Variants in ANKRD50 observed in about 807,000 individuals in gnomAD.
The protein encoded by ANKRD50 is ankyrin repeat domain-containing protein 50.
Under a neutral mutation model 112.0 loss-of-function variants are expected in ANKRD50, and 40 were observed. The ratio of observed to expected loss-of-function variants is 0.36; its 90% CI spans 0.28 to 0.46. ANKRD50 has a LOEUF of 0.46. Ranked by LOEUF, ANKRD50 falls within the 20% of genes least tolerant of loss-of-function variation. ANKRD50 has a pLI of 1.00. For missense variants in ANKRD50, 1,487 were observed against 1,701.7 expected, an observed-to-expected ratio of 0.87 and a Z score of 2.22; for synonymous variants, 613 against 619.1, an observed-to-expected ratio of 0.99 and a Z score of 0.15.
intron 3 of ANKRD50, among the ~76,000 whole-genome samples, chr4:124,674,449 A>T (rs1730726353): frequency 6.6e-6 from 1 of 151,996 alleles, no homozygotes; most frequent in African/African-American, 2.4e-5. Flanking sequence ...TAGTAGTTTA[A>T]GTATTCATTA....
chr4:124,705,369 C>T (rs971115036), intron 2 of ANKRD50, among the ~76,000 whole-genome samples: 5 of 152,136 alleles, frequency 3.3e-5, no homozygotes, highest in African/African-American at 1.2e-4. Flanking sequence ...TTCTTTATTG[C>T]AATTTTACTC....
At chr4:124,686,759 G>A (rs995660493) in intron 2 of ANKRD50, among the ~76,000 whole-genome samples, 2 of 152,096 alleles carry the variant, frequency 1.3e-5, no homozygotes, top group Non-Finnish European at 2.9e-5. Context: ...GAGAGCTGAA[G>A]GTAGAGAAGA....
intron 3 of ANKRD50, among the ~76,000 whole-genome samples, chr4:124,676,097 G>A (rs1425102882): frequency 1.3e-5 from 2 of 151,620 alleles, no homozygotes; most frequent in African/African-American, 4.8e-5. Flanking sequence ...AACTTAAAAC[G>A]TAAGCAAAGA....
At chr4:124,689,047 C>T (rs543414770) in intron 2 of ANKRD50, among the ~76,000 whole-genome samples, 2 of 152,144 alleles carry the variant, frequency 1.3e-5, no homozygotes, top group Admixed American at 1.3e-4. Context: ...TATGTATACA[C>T]TCCTATAACA....
Position 124,672,305 on chromosome 4 carries a change from A to G in ANKRD50, c.972T>C (p.Arg324=). 1.2e-6 allele frequency: 2 copies of G among 1,613,536 alleles called. No individual in the cohort carries two copies. Among genetic ancestry groups the G allele is most frequent in the Non-Finnish European group, 1.7e-6 (2 of 1,179,778 alleles). ...AACCATTTAGAGTTCCTGGGATGTC[A>G]CGAATTTCTCTTAACATAATAAAAT... The part of the protein sequence containing the change: ...VENFIMLREI[R]DIPGTLNGLY... The change falls in exon 4 of 5, where the codon CGT becomes CGC. Residue 324 remains arginine, a synonymous_variant. Transcript: ENST00000504087.
At chr4:124,706,080 A>T (rs1179585541) in intron 2 of ANKRD50, among the ~76,000 whole-genome samples, 1 of 152,142 alleles carries the variant, frequency 6.6e-6, no homozygotes, top group East Asian at 1.9e-4. Context: ...CACTGTAACA[A>T]GTATTTACTC....
intron 2 of ANKRD50, among the ~76,000 whole-genome samples, chr4:124,692,885 A>G (rs932871795): frequency 2.6e-5 from 4 of 152,192 alleles, no homozygotes; most frequent in African/African-American, 9.7e-5. Flanking sequence ...ATTTATGCCT[A>G]GAGTATGTAG....
At position 124,710,388 on chromosome 4, in the gene ANKRD50, T is replaced by C. The variant is rs1725602708; in HGVS notation, c.124A>G (p.Asn42Asp). 6.2e-7 allele frequency: 1 copy of C among 1,614,206 alleles called. No individual in the cohort carries two copies. The highest frequency in any genetic ancestry group is 1.3e-5 in the African/African-American group (1 of 75,034). ...GCATTGACAGCACTATTGCAGCAGT[T>C]ACTTTTCTCCTGGAGGCAATGCTGA... The part of the protein sequence containing the change: ...KLQHCLQEKS[N>D]CCNSAVNAPS... Residue 42 changes from asparagine (N) to aspartate (D), a missense_variant, in exon 2 of 5, where the codon AAC (asparagine) becomes GAC (aspartate). Coordinates refer to ENST00000504087, the MANE Select transcript of ANKRD50 (RefSeq NM_020337.3).
At chr4:124,682,071 C>T (rs1161602259) in intron 2 of ANKRD50, among the ~76,000 whole-genome samples, 1 of 152,002 alleles carries the variant, frequency 6.6e-6, no homozygotes, top group Non-Finnish European at 1.5e-5. Context: ...AAAAAGAATG[C>T]ACAGGGAGGC....
Position 124,676,625 on chromosome 4 carries a change from T to C in ANKRD50, c.742+2051A>G, listed in dbSNP as rs1444647743. On this transcript the variant is annotated intron_variant, in intron 3 of 4. Coordinates refer to ENST00000504087, the MANE Select transcript of ANKRD50 (RefSeq NM_020337.3). ...TTTACAGATTATTCAAGTTAGAGCT[T>C]TATTTCATACCTTTTAGTAAAAAAT... Among the ~76,000 whole-genome samples the C allele has an allele frequency of 2.6e-5, 4 of 151,774 alleles. No individual in the cohort carries two copies. The East Asian group carries it at 7.7e-4, about 29-fold the overall frequency.
chr4:124,688,515 T>C (rs1725056718), intron 2 of ANKRD50, among the ~76,000 whole-genome samples: 1 of 152,108 alleles, frequency 6.6e-6, no homozygotes, highest in African/African-American at 2.4e-5. Context: ...GTATGAAAAA[T>C]GAAAATAACG....
rs1725643563 is a variant in ANKRD50 at position 124,711,954 on chromosome 4, C to T, written c.-764+504G>A. On this transcript the variant is annotated intron_variant, in intron 1 of 4. Transcript: ENST00000504087. ...CAGGAAAGGGATAAAGAGTAGAGTGCTTCGGTGCTGGTGGGTGTCTGCCCA... is the reference window on the plus strand; with the variant it reads ...CAGGAAAGGGATAAAGAGTAGAGTGTTTCGGTGCTGGTGGGTGTCTGCCCA... 3.3e-5 allele frequency among the ~76,000 whole-genome samples: 5 copies of T among 152,254 alleles called. No individual in the cohort carries two copies. The South Asian group carries it at 1.0e-3, about 32-fold the overall frequency.
chr4:124,679,862 C>T (rs1331497020), intron 2 of ANKRD50, among the ~76,000 whole-genome samples: 2 of 152,164 alleles, frequency 1.3e-5, no homozygotes, highest in Non-Finnish European at 2.9e-5. Flanking sequence ...ACCTGGGCTA[C>T]CCTAACAATC....
intron 2 of ANKRD50, among the ~76,000 whole-genome samples, chr4:124,687,028 T>C (rs1445814047): frequency 2.0e-5 from 3 of 152,060 alleles, no homozygotes; most frequent in African/African-American, 2.4e-5. Context: ...CAAAAAATAA[T>C]TATAAAATAC....
chr4:124,682,072 A>T (rs1419609176), intron 2 of ANKRD50, among the ~76,000 whole-genome samples: 4 of 152,132 alleles, frequency 2.6e-5, no homozygotes, highest in African/African-American at 9.7e-5. Context: ...AAAAGAATGC[A>T]CAGGGAGGCC....
rs776467509 is a variant in ANKRD50 at position 124,710,227 on chromosome 4, T to C, written c.285A>G (p.Ser95=). Residue 95 remains serine (S), a synonymous_variant, in exon 2 of 5, where the codon TCA becomes TCG. Coordinates refer to ENST00000504087, the MANE Select transcript of ANKRD50 (RefSeq NM_020337.3). The part of the protein sequence containing the change: ...ALCTELLWPS[S]PASLQRGLHR... ...GTAAACCTCTCTGCAAACTTGCAGG[T>C]GAACTTGGCCATAAGAGTTCAGTAC... is the stretch of plus-strand genomic sequence containing the variant. The C allele has an allele frequency of 6.2e-7, 1 of 1,614,206 alleles. No homozygotes were observed.
chr4:124,681,919 A>T (rs1003319166), intron 2 of ANKRD50, among the ~76,000 whole-genome samples: 1 of 152,226 alleles, frequency 6.6e-6, no homozygotes, highest in Non-Finnish European at 1.5e-5. Flanking sequence ...AGAATGTCCC[A>T]GTTATCTATA....
chr4:124,702,403 G>A (rs1439524110), intron 2 of ANKRD50, among the ~76,000 whole-genome samples: 2 of 152,184 alleles, frequency 1.3e-5, no homozygotes, highest in African/African-American at 4.8e-5. Context: ...AGAATATTAT[G>A]ACAGAAGACA....
At chr4:124,702,345 A>C (rs1400771898) in intron 2 of ANKRD50, among the ~76,000 whole-genome samples, 1 of 152,222 alleles carries the variant, frequency 6.6e-6, no homozygotes, top group East Asian at 1.9e-4. Flanking sequence ...AGATTAGGGT[A>C]AATGAATTCA....
Sources: allele counts gnomAD v4.1 joint callset (sites outside exome capture counted in the v4.1 genomes callset), GRCh38; gene constraint gnomAD v4.1.1; transcripts MANE v1.5; gene names NCBI Gene and HGNC (gene_info 2026-07-23, HGNC 2026-07-21).